The following MTOR variants were observed in gnomAD, a reference collection of about 807,000 sequenced individuals.
The protein encoded by MTOR is serine/threonine-protein kinase mTOR.
MTOR carries 70 observed loss-of-function variants against 319.8 expected under a neutral mutation model. That is an observed-to-expected ratio of 0.22 (90% CI 0.18 to 0.27). MTOR has a LOEUF of 0.27. Among genes scored for constraint, MTOR ranks in the 10% least tolerant of loss-of-function variants. MTOR has a pLI of 1.00. For synonymous variants in MTOR, 1,183 were observed against 1,211.4 expected (o/e 0.98, Z 0.49); for missense variants, 1,890 against 3,274.4 (o/e 0.58, Z 10.32).
chr1:11,225,504 C>T (rs1178702983), intron 19 of MTOR, among the ~76,000 whole-genome samples: 1 of 151,804 alleles, frequency 6.6e-6, no homozygotes, highest in Non-Finnish European at 1.5e-5. Flanking sequence ...TCACTGCAAC[C>T]TCCACCTCCC....
chr1:11,133,116 G>A lies in MTOR; in HGVS notation c.5328C>T (p.Tyr1776=), dbSNP rs1252865943. 9.3e-6 allele frequency: 15 copies of A among 1,614,190 alleles called. No individual in the cohort carries two copies. Among genetic ancestry groups the A allele is most frequent in the Non-Finnish European group, 1.3e-5 (15 of 1,180,028 alleles). The change falls in exon 38 of 58, where the codon TAC becomes TAT. Residue 1776 remains tyrosine, a synonymous_variant. Transcript: ENST00000361445. The surrounding 1 kb of genome is among the most constrained non-coding windows in gnomAD (Gnocchi z 4.0). ...ESTIPKVLQY[Y]SAATEHDRSW... is the part of the protein sequence containing the mutation. Reference sequence around the variant, plus strand: ...TGCGGTCGTGCTCTGTGGCGGCGCTGTAGTACTGCAGCACTTTGGGGATTG... The same window carrying A: ...TGCGGTCGTGCTCTGTGGCGGCGCTATAGTACTGCAGCACTTTGGGGATTG...
Position 11,233,629 on chromosome 1 carries a change from G to A in MTOR, c.2332-142C>T, listed in dbSNP as rs181109816. 5.7e-4 allele frequency: 380 copies of A among 663,372 alleles called. 3 individuals carry two copies. The African/African-American group carries it at 6.2e-3, about 11-fold the overall frequency. 41.1% of individuals were successfully genotyped at this position (663,372 alleles called of 1,614,324 possible). Reference sequence around the variant, plus strand: ...GCTTTATGAATCCAAGATTTCTCTGGAATGTAAATTCTCAAACTTTTCTCC... The same window carrying A: ...GCTTTATGAATCCAAGATTTCTCTGAAATGTAAATTCTCAAACTTTTCTCC... On this transcript the variant is annotated intron_variant, in intron 14 of 57. Transcript: ENST00000361445.
At chr1:11,163,059 A>T (rs1383965130) in intron 29 of MTOR, among the ~76,000 whole-genome samples, 2 of 152,242 alleles carry the variant, frequency 1.3e-5, no homozygotes, top group African/African-American at 4.8e-5. Flanking sequence ...GCAGACACAC[A>T]CATAGGCTCA....
intron 6 of MTOR, among the ~76,000 whole-genome samples, chr1:11,250,900 T>A (rs1236517277): frequency 4.6e-5 from 7 of 152,112 alleles, no homozygotes; most frequent in Non-Finnish European, 4.4e-5. Context: ...CTCCAAACCA[T>A]CAGCAAATCC....
At chr1:11,188,121 G>A (rs180954070) in intron 28 of MTOR, among the ~76,000 whole-genome samples, 4 of 152,330 alleles carry the variant, frequency 2.6e-5, no homozygotes, top group Admixed American at 6.5e-5. Flanking sequence ...TATGTGGGAA[G>A]GACCCACGCT....
chr1:11,237,623 A>G (rs1647382328), intron 13 of MTOR, among the ~76,000 whole-genome samples: 1 of 152,078 alleles, frequency 6.6e-6, no homozygotes, highest in South Asian at 2.1e-4. Context: ...ACTCTGAACC[A>G]CCTTAGAGTC....
Position 11,115,526 on chromosome 1 carries a change from T to C in MTOR, c.7017-58A>G. ...TCAACAGAGATAACGGATGAAAAAATCAATAAGTACGTGATACTGTAAGCT... is the reference window on the plus strand; with the variant it reads ...TCAACAGAGATAACGGATGAAAAAACCAATAAGTACGTGATACTGTAAGCT... On this transcript the variant is annotated intron_variant, in intron 50 of 57. Transcript: ENST00000361445. This position sits in a 1 kb window ranked among gnomAD's most constrained non-coding sequence, Gnocchi z 4.5. 1 of 1,527,562 alleles carries C rather than the reference T, an allele frequency of 6.5e-7. No homozygotes were observed. The highest frequency in any genetic ancestry group is 9.1e-7 in the Non-Finnish European group (1 of 1,101,524). 94.6% of individuals were successfully genotyped at this position (1,527,562 alleles called of 1,614,324 possible).
At position 11,198,021 on chromosome 1, in the gene MTOR, C is replaced by T. The variant is rs534851436; in HGVS notation, c.4253+1237G>A. Among the ~76,000 whole-genome samples the T allele has an allele frequency of 6.6e-5, 10 of 152,130 alleles. No individual in the cohort carries two copies. The East Asian group carries it at 1.4e-3, about 21-fold the overall frequency. On this transcript the variant is annotated intron_variant, in intron 28 of 57. Coordinates refer to ENST00000361445, the MANE Select transcript of MTOR (RefSeq NM_004958.4). ...AGTTTTTATGATTGTATCAAATATG[C>T]GGAAAAATTAAGGGTGGAATTGGGA...
Position 11,231,572 on chromosome 1 carries a change from T to C in MTOR, c.2515-138A>G. 6 of 1,066,144 alleles carry C rather than the reference T, an allele frequency of 5.6e-6. No individual in the cohort carries two copies. The South Asian group carries it at 7.2e-5, about 13-fold the overall frequency. 66.0% of individuals were successfully genotyped at this position (1,066,144 alleles called of 1,614,324 possible). The stretch of plus-strand genomic sequence containing the variant: ...AGGTTTCCAGTAAAGACACTAACCA[T>C]GAGCAGAAATCCCAAAAGGGCATAA... On this transcript the variant is annotated intron_variant, in intron 16 of 57. Coordinates refer to ENST00000361445, the MANE Select transcript of MTOR (RefSeq NM_004958.4).
At chr1:11,255,382 C>CAAAAA (rs56328160) in intron 5 of MTOR, among the ~76,000 whole-genome samples, 16 of 98,216 alleles carry the variant, frequency 1.6e-4, no homozygotes, top group African/African-American at 8.8e-4. Flanking sequence ...ACTCCATCTC[C>CAAAAA]AAAAAAAAAA....
intron 6 of MTOR, among the ~76,000 whole-genome samples, chr1:11,250,245 G>A (rs866127720): frequency 5.7e-4 from 70 of 123,740 alleles, no homozygotes; most frequent in South Asian, 1.5e-3. Context: ...CCTCCCTCCC[G>A]GACGGGGCGG....
At chr1:11,246,079 T>C (rs1441715464) in intron 8 of MTOR, among the ~76,000 whole-genome samples, 2 of 152,290 alleles carry the variant, frequency 1.3e-5, no homozygotes, top group Middle Eastern at 3.4e-3. Flanking sequence ...TTTAAACAAA[T>C]AGTACTTATG....
rs946795491 is a variant in MTOR at position 11,237,692 on chromosome 1, A to G, written c.2208+151T>C. On this transcript the variant is annotated intron_variant, in intron 13 of 57. Transcript: ENST00000361445. Reference sequence around the variant, plus strand: ...TGGAACTGCCATTATAAAGCCAGGGAAACATTTGGACCTTTGCAGACAAAT... The same window carrying G: ...TGGAACTGCCATTATAAAGCCAGGGGAACATTTGGACCTTTGCAGACAAAT... 7.8e-6 allele frequency: 6 copies of G among 765,060 alleles called. No individual in the cohort carries two copies. The East Asian group carries it at 1.6e-4, about 21-fold the overall frequency. 47.4% of individuals were successfully genotyped at this position (765,060 alleles called of 1,614,324 possible).
At chr1:11,168,990 G>C (rs1317650357) in intron 28 of MTOR, among the ~76,000 whole-genome samples, 6 of 152,208 alleles carry the variant, frequency 3.9e-5, no homozygotes, top group African/African-American at 1.4e-4. Flanking sequence ...TGGGAGTCTA[G>C]ACTGGTTTAA....
Position 11,114,980 on chromosome 1 carries a change from A to G in MTOR, c.7090-93T>C, listed in dbSNP as rs1007315231. 5.2e-5 allele frequency: 54 copies of G among 1,029,222 alleles called. No homozygotes were observed. In the East Asian group the frequency reaches 6.6e-4, roughly 13 times the overall value. The allele number at this position is 1,029,222 out of a possible 1,614,324, so 63.8% of individuals were successfully genotyped here. On this transcript the variant is annotated intron_variant, in intron 51 of 57. Coordinates refer to ENST00000361445, the MANE Select transcript of MTOR (RefSeq NM_004958.4). The stretch of plus-strand genomic sequence containing the variant: ...GGTGGCTTTCCTCTGCATCACCTGC[A>G]CTGATTTTAATTATAGCAGGGAAAG...
chr1:11,160,925 CGGACAGTGGGTGCA>C lies in MTOR; in HGVS notation c.4330-3648_4330-3635del, dbSNP rs531980930. 1.1e-4 allele frequency among the ~76,000 whole-genome samples: 17 copies of C among 152,174 alleles called. No individual in the cohort carries two copies. The South Asian group carries it at 2.7e-3, about 24-fold the overall frequency. On this transcript the variant is annotated intron_variant, in intron 29 of 57. Coordinates refer to ENST00000361445, the MANE Select transcript of MTOR (RefSeq NM_004958.4). Reference sequence around the variant, plus strand: ...CTGGGTTCATCTCACTGGGGCTTGTCGGACAGTGGGTGCAGGACAGTGGGTGCAGCCCATGGAAT... The same window carrying C: ...CTGGGTTCATCTCACTGGGGCTTGTCGGACAGTGGGTGCAGCCCATGGAAT...
Position 11,130,560 on chromosome 1 carries a change from G to A in MTOR, c.5582C>T (p.Thr1861Ile), listed in dbSNP as rs2100429989. 1 of 1,613,552 alleles carries A rather than the reference G, an allele frequency of 6.2e-7. No individual in the cohort carries two copies. The highest frequency in any genetic ancestry group is 8.5e-7 in the Non-Finnish European group (1 of 1,179,974). Residue 1861 changes from threonine to isoleucine, a missense_variant, in exon 39 of 58, where the codon ACC becomes ATC. Around this residue, in one of 15 missense-constraint regions of MTOR, gnomAD observed 91 missense variants for 90.4 expected, o/e 1.01. Transcript: ENST00000361445. ...SEAESTENSP[T>I]PSPLQKKVTE... ...GACCTTCTTCTGCAGCGGCGATGGG[G>A]TGGGGCTGTTCTCGGTGCTCTCGGC...
Sources: allele counts gnomAD v4.1 joint callset (sites outside exome capture counted in the v4.1 genomes callset), GRCh38; gene constraint gnomAD v4.1.1; regional missense constraint gnomAD v4.1.1; non-coding constraint Gnocchi (gnomAD v3.1); transcripts MANE v1.5; gene names NCBI Gene and HGNC (gene_info 2026-07-23, HGNC 2026-07-21).